ANKRD6: variants seen among roughly 807,000 people sequenced by gnomAD.
ANKRD6 encodes the protein ankyrin repeat domain-containing protein 6.
A neutral mutation model predicts 82.3 loss-of-function variants in ANKRD6; 56 were observed. The ratio of observed to expected loss-of-function variants is 0.68; its 90% CI spans 0.55 to 0.85. ANKRD6 has a LOEUF of 0.85. Ranked by LOEUF, ANKRD6 falls within the 40% of genes least tolerant of loss-of-function variation. ANKRD6 has a pLI of 0.00. For missense variants in ANKRD6, 852 were observed against 907.6 expected (o/e 0.94, Z 0.79); for synonymous variants, 347 against 352.1 (o/e 0.99, Z 0.16).
rs533452441 is a variant in ANKRD6, at chr6:89,438,900, C to T, written c.-144+5525C>T. On this transcript the variant is annotated intron_variant, in intron 1 of 15. Transcript: ENST00000339746. ...TCAGGTGATCCGCCGGCCTCGGCCT[C>T]CTAAAGTGCTGGGATTACAGGTGTG... Among the ~76,000 whole-genome samples the T allele has an allele frequency of 3.9e-5, 6 of 152,262 alleles. No homozygotes were observed. The South Asian group carries it at 1.2e-3, about 32-fold the overall frequency.
intron 2 of ANKRD6, among the ~76,000 whole-genome samples, chr6:89,575,588 A>G (rs375852630): frequency 2.0e-5 from 3 of 152,322 alleles, no homozygotes; most frequent in East Asian, 3.9e-4. Flanking sequence ...CAATATGCCC[A>G]GGTACTTTAC....
At chr6:89,629,493 G>C (rs1441558667) in intron 15 of ANKRD6, 2 of 493,700 alleles carry the variant, frequency 4.1e-6, no homozygotes, top group East Asian at 9.0e-5. Context: ...TGATAACATT[G>C]CCTTGAGTAC....
chr6:89,504,936 A>G (rs1310910349), intron 1 of ANKRD6: 1 of 152,178 alleles, frequency 6.6e-6, no homozygotes, highest in African/African-American at 2.4e-5. Context: ...TTTTGGCCCC[A>G]CCTTATACCG....
chr6:89,483,757 C>A (rs994326841), intron 1 of ANKRD6, among the ~76,000 whole-genome samples: 1 of 152,106 alleles, frequency 6.6e-6, no homozygotes, highest in Admixed American at 6.5e-5. Flanking sequence ...AGGAGAGAAA[C>A]AGAGAGATAT....
intron 13 of ANKRD6, among the ~76,000 whole-genome samples, chr6:89,626,298 T>C (rs1029805289): frequency 2.0e-5 from 3 of 152,170 alleles, no homozygotes; most frequent in African/African-American, 7.2e-5. Flanking sequence ...TCACTTCAGT[T>C]CAAGGGAGTG....
chr6:89,458,444 C>T (rs1042142523), intron 1 of ANKRD6, among the ~76,000 whole-genome samples: 1 of 152,302 alleles, frequency 6.6e-6, no homozygotes, highest in South Asian at 2.1e-4. Context: ...CAGTCCAAAT[C>T]CCAAAACCTC....
intron 1 of ANKRD6, among the ~76,000 whole-genome samples, chr6:89,559,464 T>C (rs1284647495): frequency 4.6e-5 from 7 of 152,194 alleles, no homozygotes; most frequent in African/African-American, 1.4e-4. Flanking sequence ...CTTCAATATA[T>C]GCTTGGTACT....
At chr6:89,443,227 AC>A (rs1771649521) in intron 1 of ANKRD6, among the ~76,000 whole-genome samples, 1 of 151,838 alleles carries the variant, frequency 6.6e-6, no homozygotes, top group Non-Finnish European at 1.5e-5. Flanking sequence ...TGCTTCCCCC[AC>A]CCCTGCCTAT....
At chr6:89,532,235 C>T (rs1783247935) in intron 1 of ANKRD6, among the ~76,000 whole-genome samples, 1 of 152,218 alleles carries the variant, frequency 6.6e-6, no homozygotes, top group Non-Finnish European at 1.5e-5. Context: ...AATATCAGGG[C>T]ACCCTGTGGC....
intron 3 of ANKRD6, chr6:89,598,134 A>C (rs1353650052): frequency 2.0e-6 from 2 of 985,318 alleles, no homozygotes; most frequent in Non-Finnish European, 2.4e-6. Flanking sequence ...GAATTAGTTG[A>C]AGAATGACCT....
At chr6:89,614,468 A>T (rs540197808) in intron 7 of ANKRD6, among the ~76,000 whole-genome samples, 1 of 152,136 alleles carries the variant, frequency 6.6e-6, no homozygotes, top group East Asian at 1.9e-4. Flanking sequence ...CAACATGGTG[A>T]AACCCTGTCT....
rs549927672 is a variant in ANKRD6, at chr6:89,603,060, T to A, written c.251T>A (p.Val84Glu). Residue 84 changes from valine to glutamate, a missense_variant, in exon 4 of 16, where the codon GTG (valine) becomes GAG (glutamate). Transcript: ENST00000339746. ...CAGACCGCCTTGCACCGGGCCACAG[T>A]GGTGGGGAACACGGAGATCATCGCG... ...GDQTALHRAT[V>E]VGNTEIIAAL... The A allele has an allele frequency of 2.5e-6, 4 of 1,608,804 alleles. No homozygotes were observed. In the South Asian group the frequency reaches 4.5e-5, roughly 18 times the overall value.
In ANKRD6 at chr6:89,624,965, C is replaced by G. The variant is rs1032652223; in HGVS notation, c.1371+274C>G. Among the ~76,000 whole-genome samples, 4 of 152,108 alleles carry G rather than the reference C, an allele frequency of 2.6e-5. No homozygotes were observed. In the East Asian group the frequency reaches 7.7e-4, roughly 29 times the overall value. On this transcript the variant is annotated intron_variant, in intron 13 of 15. Transcript: ENST00000339746. ...TAGGAAAATAAATCACCTATAAGCCCACTGTGCTGAAAAGCACTGTTAATA... is the reference window on the plus strand; with the variant it reads ...TAGGAAAATAAATCACCTATAAGCCGACTGTGCTGAAAAGCACTGTTAATA...
At chr6:89,584,228 T>G (rs531145280) in intron 2 of ANKRD6, among the ~76,000 whole-genome samples, 1 of 152,294 alleles carries the variant, frequency 6.6e-6, no homozygotes, top group South Asian at 2.1e-4. Flanking sequence ...AATCAGCATG[T>G]TGTGAGGCTT....
chr6:89,525,962 C>A (rs1782453175), intron 1 of ANKRD6, among the ~76,000 whole-genome samples: 1 of 152,210 alleles, frequency 6.6e-6, no homozygotes, highest in South Asian at 2.1e-4. Context: ...TTTAGGAAGA[C>A]AATTTGTCTG....
intron 3 of ANKRD6, among the ~76,000 whole-genome samples, chr6:89,597,430 T>G (rs914783307): frequency 5.3e-5 from 8 of 152,220 alleles, no homozygotes; most frequent in African/African-American, 2.4e-5. Context: ...TTTGGTCTTC[T>G]CTTCGCATAA....
chr6:89,621,748 G>T (rs1803401249), intron 9 of ANKRD6, 174 bp from the exon 10 acceptor site: 2 of 649,950 alleles, frequency 3.1e-6, no homozygotes, highest in Non-Finnish European at 5.6e-6. Context: ...TGGTGCCCAG[G>T]ACAAGACCTA....
rs560452817 is a variant in ANKRD6 at position 89,536,873 on chromosome 6, TACA to T, written c.-143-29957_-143-29955del. Among the ~76,000 whole-genome samples the T allele has an allele frequency of 3.6e-3, 543 of 152,320 alleles. 4 individuals are homozygous for T. The highest frequency in any genetic ancestry group is 5.5e-3 in the Non-Finnish European group (377 of 68,010). Reference sequence around the variant, plus strand: ...GGGGTACAAAGAGACATCTGTTCATTACAACATTATTTGTAACAGAAATAAGCA... The same window carrying T: ...GGGGTACAAAGAGACATCTGTTCATTACATTATTTGTAACAGAAATAAGCA... On this transcript the variant is annotated intron_variant, in intron 1 of 15. Transcript: ENST00000339746.
chr6:89,560,519 G>A (rs1787243650), intron 1 of ANKRD6, among the ~76,000 whole-genome samples: 1 of 152,194 alleles, frequency 6.6e-6, no homozygotes, highest in South Asian at 2.1e-4. Context: ...CATAGCAGAA[G>A]CTTATAGAAA....
Sources: gnomAD v4.1 joint callset for allele counts (sites outside exome capture counted in the v4.1 genomes callset) on GRCh38, gnomAD v4.1.1 for gene constraint, MANE v1.5 for transcripts, NCBI Gene and HGNC (gene_info 2026-07-23, HGNC 2026-07-21) for gene names.